Variants in NAALADL2 observed in about 807,000 individuals in gnomAD.
The protein encoded by NAALADL2 is inactive N-acetylated-alpha-linked acidic dipeptidase-like protein 2.
In NAALADL2, 76 loss-of-function variants were observed where a neutral mutation model predicts 87.2. The observed-to-expected ratio is 0.87, with a 90% confidence interval of 0.72 to 1.05. The LOEUF is 1.05. Ranked by LOEUF, NAALADL2 falls within the 50% of genes least tolerant of loss-of-function variation. The pLI is 0.00. For missense variants in NAALADL2, 1,089 were observed against 945.8 expected (o/e 1.15, Z -1.99); for synonymous variants, 354 against 331.0 (o/e 1.07, Z -0.75).
chr3:175,707,455 C>T (rs1158313563), intron 11 of NAALADL2, among the ~76,000 whole-genome samples: 1 of 152,130 alleles, frequency 6.6e-6, no homozygotes, highest in Non-Finnish European at 1.5e-5. Flanking sequence ...TTTAGTTTTA[C>T]AATGCTTGCT....
Position 175,686,165 on chromosome 3 carries a change from A to AT in NAALADL2, c.1897-51140dup, listed in dbSNP as rs144964993. Among the ~76,000 whole-genome samples, 233 of 152,318 alleles carry AT rather than the reference A, an allele frequency of 1.5e-3. 1 individual carries two copies. Among genetic ancestry groups the AT allele is most frequent in the African/African-American group, 5.2e-3 (217 of 41,572 alleles). On this transcript the variant is annotated intron_variant, in intron 11 of 13. Transcript: ENST00000454872. ...ATATTTCAGCTGTTGTTATTCTGTA[A>AT]TAAAATAAGTAGTTGTGGAGATTAG... is the stretch of plus-strand genomic sequence containing the variant.
intron 1 of NAALADL2, among the ~76,000 whole-genome samples, chr3:174,904,717 C>T (rs1056172322): frequency 7.2e-5 from 11 of 151,842 alleles, no homozygotes; most frequent in African/African-American, 2.7e-4. Context: ...TTTATGTTAA[C>T]AGCTGGAGCT....
rs34028719 is a variant in NAALADL2 at position 174,509,404 on chromosome 3, C to CTTTTTTTTTTTTTTTTTTTTTT, written c.-183-41149_-183-41148insTTTTTTTTTTTTTTTTTTTTTT. On this transcript the variant is annotated intron_variant, in intron 1 of 3. Coordinates refer to the NAALADL2 transcript ENST00000434257. The stretch of plus-strand genomic sequence containing the variant: ...AGCTCTGGTGTCTCTTCCTTTCTTT[C>CTTTTTTTTTTTTTTTTTTTTTT]TTTTTTTTTTTTTTTTGAGACGGAG... Among the ~76,000 whole-genome samples the CTTTTTTTTTTTTTTTTTTTTTT allele has an allele frequency of 1.9e-5, 2 of 106,904 alleles. 1 individual carries two copies. 70.1% of individuals were successfully genotyped at this position (106,904 alleles called of 152,430 possible). A position where few individuals can be genotyped will look rare whatever the true frequency, so the allele number is the denominator to read the frequency against.
At chr3:175,750,569 G>A (rs1415170492) in intron 12 of NAALADL2, among the ~76,000 whole-genome samples, 1 of 152,146 alleles carries the variant, frequency 6.6e-6, no homozygotes, top group Non-Finnish European at 1.5e-5. Context: ...AAGGGATGAG[G>A]CTGGAAAGAC....
intron 2 of NAALADL2, among the ~76,000 whole-genome samples, chr3:175,180,020 T>C (rs1231916655): frequency 6.6e-6 from 1 of 151,996 alleles, no homozygotes; most frequent in Non-Finnish European, 1.5e-5. Context: ...GAACAGCTTT[T>C]TGAGGCTCAT....
intron 1 of NAALADL2, among the ~76,000 whole-genome samples, chr3:174,878,797 G>A (rs781085779): frequency 1.5e-4 from 23 of 151,950 alleles, no homozygotes; most frequent in Non-Finnish European, 3.1e-4. Flanking sequence ...TACCTCAGAA[G>A]ACATGTGAGA....
chr3:175,664,442 T>G (rs1243447930), intron 11 of NAALADL2, among the ~76,000 whole-genome samples: 1 of 152,108 alleles, frequency 6.6e-6, no homozygotes. Flanking sequence ...CAAGGACTAT[T>G]TTATAAAAGC....
chr3:174,681,835 G>T (rs1027433066), intron 2 of NAALADL2, among the ~76,000 whole-genome samples: 1 of 152,192 alleles, frequency 6.6e-6, no homozygotes. Flanking sequence ...TAGTGGACTT[G>T]TTGGGTCCCT....
intron 1 of NAALADL2, among the ~76,000 whole-genome samples, chr3:174,542,325 C>T (rs925511206): frequency 3.9e-5 from 6 of 152,176 alleles, no homozygotes; most frequent in African/African-American, 1.4e-4. Context: ...GGGCAGAGGT[C>T]TCTCTTCTGT....
intron 5 of NAALADL2, among the ~76,000 whole-genome samples, chr3:175,392,940 T>C (rs1769251831): frequency 6.6e-6 from 1 of 152,194 alleles, no homozygotes; most frequent in South Asian, 2.1e-4. Context: ...CAAAATCTTT[T>C]GAACTAAGGA....
intron 5 of NAALADL2, among the ~76,000 whole-genome samples, chr3:175,391,363 T>A (rs1769044482): frequency 6.6e-6 from 1 of 152,184 alleles, no homozygotes. Flanking sequence ...CTTTCAATAT[T>A]AGATTACAAA....
At chr3:174,711,027 A>AT (rs1436191610) in intron 2 of NAALADL2, among the ~76,000 whole-genome samples, 1 of 152,024 alleles carries the variant, frequency 6.6e-6, no homozygotes, top group Non-Finnish European at 1.5e-5. Flanking sequence ...TGATAGGGTG[A>AT]TTTTTCAGTG....
intron 4 of NAALADL2, among the ~76,000 whole-genome samples, chr3:175,273,658 TG>T (rs1244869557): frequency 6.6e-6 from 1 of 152,000 alleles, no homozygotes; most frequent in East Asian, 1.9e-4. Flanking sequence ...AGAAAAAAAA[TG>T]ACAATTTATT....
At chr3:175,554,381 C>G (rs1217880683) in intron 9 of NAALADL2, among the ~76,000 whole-genome samples, 1 of 152,104 alleles carries the variant, frequency 6.6e-6, no homozygotes, top group East Asian at 1.9e-4. Context: ...ATTTTTCATA[C>G]TACTTGCCTT....
chr3:174,728,347 G>C (rs1476403568), intron 2 of NAALADL2, among the ~76,000 whole-genome samples: 1 of 152,056 alleles, frequency 6.6e-6, no homozygotes, highest in African/African-American at 2.4e-5. Context: ...GGAATGGTAA[G>C]TCACAAATTT....
intron 12 of NAALADL2, among the ~76,000 whole-genome samples, chr3:175,749,474 G>T (rs560357168): frequency 1.4e-4 from 21 of 152,038 alleles, no homozygotes; most frequent in Non-Finnish European, 2.8e-4. Flanking sequence ...CCTGGTAAGG[G>T]CCCAGTTTCT....
chr3:175,525,794 G>A (rs1041593319), intron 9 of NAALADL2, among the ~76,000 whole-genome samples: 1 of 151,988 alleles, frequency 6.6e-6, no homozygotes, highest in Admixed American at 6.6e-5. Flanking sequence ...TTCTTACATT[G>A]TGGTATTTAA....
rs6799468 is a variant in NAALADL2, at chr3:175,416,014, C to T, written c.1091-31215C>T. Among the ~76,000 whole-genome samples the T allele has an allele frequency of 9.5e-3, 1,435 of 150,852 alleles. 23 individuals carry two copies. The highest frequency in any genetic ancestry group is 0.033 in the African/African-American group (1,351 of 40,956). On this transcript the variant is annotated intron_variant, in intron 5 of 13. Transcript: ENST00000454872. ...GGTGCATACCTGTAGTTCCAGTTAC[C>T]GAGAGGCTGAGATGGGAGGATCCCG...
At chr3:175,247,504 A>C (rs1157896895) in intron 3 of NAALADL2, among the ~76,000 whole-genome samples, 1 of 152,110 alleles carries the variant, frequency 6.6e-6, no homozygotes, top group African/African-American at 2.4e-5. Flanking sequence ...TGAATCCGGG[A>C]AAGAGGGTGT....
Sources: gnomAD v4.1 joint callset for allele counts (sites outside exome capture counted in the v4.1 genomes callset) on GRCh38, gnomAD v4.1.1 for gene constraint, MANE v1.5 for transcripts, NCBI Gene and HGNC (gene_info 2026-07-23, HGNC 2026-07-21) for gene names.